The following NRXN3 variants were observed in gnomAD, a reference collection of about 807,000 sequenced individuals.
NRXN3 encodes the protein neurexin III.
A neutral mutation model predicts 137.6 loss-of-function variants in NRXN3; 32 were observed. That is an observed-to-expected ratio of 0.23 (90% confidence interval 0.18 to 0.31). NRXN3 has a LOEUF of 0.31. Ranked by LOEUF, NRXN3 falls within the 10% of genes least tolerant of loss-of-function variation. NRXN3 has a pLI of 1.00. For synonymous variants in NRXN3, 798 were observed against 784.5 expected (o/e 1.02, Z -0.29); for missense variants, 1,574 against 2,062.5 (o/e 0.76, Z 4.59).
chr14:78,504,670 A>G (rs2095947948), intron 4 of NRXN3, among the ~76,000 whole-genome samples: 1 of 152,150 alleles, frequency 6.6e-6, no homozygotes, highest in African/African-American at 2.4e-5. Flanking sequence ...TGGTGATAAA[A>G]ACCCATTCAT....
At chr14:79,136,841 A>G (rs1004423701) in intron 15 of NRXN3, among the ~76,000 whole-genome samples, 2 of 152,238 alleles carry the variant, frequency 1.3e-5, no homozygotes, top group Non-Finnish European at 2.9e-5. Context: ...ATGGAAAACT[A>G]TAGAGCCTTG....
intron 4 of NRXN3, among the ~76,000 whole-genome samples, chr14:78,469,199 GA>G (rs1253131559): frequency 3.3e-5 from 5 of 152,036 alleles, no homozygotes; most frequent in African/African-American, 1.2e-4. Flanking sequence ...ATATTCACAG[GA>G]AATCTAATGT....
At chr14:78,611,170 T>C (rs570919419) in intron 4 of NRXN3, among the ~76,000 whole-genome samples, 1 of 152,302 alleles carries the variant, frequency 6.6e-6, no homozygotes, top group Admixed American at 6.5e-5. Flanking sequence ...CTGCCCCTCA[T>C]TTAATATCGA....
At chr14:79,296,546 G>A (rs1347325679) in intron 15 of NRXN3, among the ~76,000 whole-genome samples, 2 of 151,962 alleles carry the variant, frequency 1.3e-5, no homozygotes, top group Admixed American at 1.3e-4. Flanking sequence ...AAGGAGTTTG[G>A]GGCTCTTTGA....
chr14:79,159,626 T>C (rs1409665964), intron 15 of NRXN3, among the ~76,000 whole-genome samples: 3 of 151,836 alleles, frequency 2.0e-5, no homozygotes, highest in Non-Finnish European at 4.4e-5. Flanking sequence ...ATTTTTAAAC[T>C]GCTGATTTAT....
chr14:78,755,550 C>T (rs1232513963), intron 8 of NRXN3, among the ~76,000 whole-genome samples: 1 of 152,148 alleles, frequency 6.6e-6, no homozygotes, highest in Non-Finnish European at 1.5e-5. Context: ...ACACCTGAGG[C>T]TTTGGGAGTT....
At chr14:79,272,910 C>A (rs1271761886) in intron 15 of NRXN3, among the ~76,000 whole-genome samples, 1 of 152,122 alleles carries the variant, frequency 6.6e-6, no homozygotes, top group African/African-American at 2.4e-5. Context: ...CGGTGGCTCA[C>A]GCCTGTAATC....
intron 16 of NRXN3, among the ~76,000 whole-genome samples, chr14:79,498,883 C>A (rs956801392): frequency 3.3e-5 from 5 of 152,302 alleles, no homozygotes; most frequent in African/African-American, 1.2e-4. Context: ...CTCCTAGAGT[C>A]AAGTGATGCT....
intron 15 of NRXN3, among the ~76,000 whole-genome samples, chr14:79,243,785 G>T (rs191457598): frequency 6.6e-6 from 1 of 152,114 alleles, no homozygotes; most frequent in East Asian, 1.9e-4. Flanking sequence ...CAAAAACATG[G>T]TATTGTAATC....
At chr14:78,979,571 C>T (rs1410008646) in intron 14 of NRXN3, among the ~76,000 whole-genome samples, 1 of 152,034 alleles carries the variant, frequency 6.6e-6, no homozygotes, top group Non-Finnish European at 1.5e-5. Context: ...AAAGATTAGG[C>T]ACTTACCAGG....
At chr14:78,696,334 A>G (rs949749010) in intron 6 of NRXN3, among the ~76,000 whole-genome samples, 2 of 152,024 alleles carry the variant, frequency 1.3e-5, no homozygotes, top group African/African-American at 4.8e-5. Flanking sequence ...AGTTTTCTCA[A>G]TTGTAAAATG....
intron 19 of NRXN3, among the ~76,000 whole-genome samples, chr14:79,752,169 C>G (rs1314027843): frequency 6.6e-6 from 1 of 152,146 alleles, no homozygotes; most frequent in African/African-American, 2.4e-5. Flanking sequence ...CCTTGTACCT[C>G]TGGTAGAATT....
chr14:79,842,649 A>T (rs1467873622), intron 20 of NRXN3, among the ~76,000 whole-genome samples: 3 of 152,232 alleles, frequency 2.0e-5, no homozygotes, highest in Admixed American at 6.5e-5. Context: ...GGAATACAAC[A>T]TGATTCTATG....
chr14:79,538,641 C>A (rs574179463), intron 16 of NRXN3, among the ~76,000 whole-genome samples: 1 of 152,154 alleles, frequency 6.6e-6, no homozygotes, highest in South Asian at 2.1e-4. Context: ...GGATATTAGA[C>A]CTCTGTCAGA....
chr14:79,736,524 T>C (rs533918022), intron 19 of NRXN3, among the ~76,000 whole-genome samples: 1 of 152,280 alleles, frequency 6.6e-6, no homozygotes, highest in East Asian at 1.9e-4. Context: ...TGTATCATGT[T>C]ATGTGTAGAT....
rs186749142 is a variant in NRXN3 at position 79,517,290 on chromosome 14, T to C, written c.3444+49888T>C. Among the ~76,000 whole-genome samples, 11 of 152,342 alleles carry C rather than the reference T, an allele frequency of 7.2e-5. No homozygotes were observed. The East Asian group carries it at 1.7e-3, about 24-fold the overall frequency. On this transcript the variant is annotated intron_variant, in intron 16 of 20. Coordinates refer to ENST00000335750, the MANE Select transcript of NRXN3 (RefSeq NM_001330195.2). ...TTTTAGAAATCGTTTGTATGAACTT[T>C]CTATTGATATTTTTTGACCACTTTT...
chr14:78,245,403 G>A (rs1402184434), intron 2 of NRXN3, among the ~76,000 whole-genome samples: 1 of 152,194 alleles, frequency 6.6e-6, no homozygotes, highest in African/African-American at 2.4e-5. Context: ...ACTAGTACAA[G>A]ATCAAGGGAG....
chr14:78,862,620 G>T (rs191054127), intron 10 of NRXN3, among the ~76,000 whole-genome samples: 2 of 152,086 alleles, frequency 1.3e-5, no homozygotes, highest in South Asian at 4.1e-4. Flanking sequence ...ATGGTTACCC[G>T]TTTAGTATTT....
chr14:79,008,937 G>A (rs1439804048), intron 15 of NRXN3, among the ~76,000 whole-genome samples: 6 of 152,100 alleles, frequency 3.9e-5, no homozygotes, highest in East Asian at 1.9e-4. Flanking sequence ...GATTAAAGAC[G>A]TGAGCCACCA....
Sources: allele counts gnomAD v4.1 joint callset (sites outside exome capture counted in the v4.1 genomes callset), GRCh38; gene constraint gnomAD v4.1.1; transcripts MANE v1.5; gene names NCBI Gene and HGNC (gene_info 2026-07-23, HGNC 2026-07-21).